DLC1: variants seen among roughly 807,000 people sequenced by gnomAD.
DLC1 encodes rho GTPase-activating protein 7.
A neutral mutation model predicts 140.3 loss-of-function variants in DLC1; 54 were observed. The observed-to-expected ratio is 0.38, with a 90% confidence interval of 0.31 to 0.48. The LOEUF (loss-of-function observed/expected upper bound fraction) is 0.48, where lower values mean the gene tolerates loss of function less well. Ranked by LOEUF, DLC1 falls within the 20% of genes least tolerant of loss-of-function variation. DLC1 has a pLI of 0.96. For missense variants in DLC1, 2,536 were observed against 1,907.0 expected (o/e 1.33, Z -6.14); for synonymous variants, 986 against 728.1 (o/e 1.35, Z -5.70).
intron 4 of DLC1, among the ~76,000 whole-genome samples, chr8:13,344,814 G>A (rs1490231420): frequency 7.9e-5 from 12 of 152,162 alleles, no homozygotes; most frequent in East Asian, 1.9e-4. Flanking sequence ...GAGCAATAAC[G>A]ACAGTGGGTT....
chr8:13,574,078 T>C (rs1804755581), intron 1 of DLC1, among the ~76,000 whole-genome samples: 1 of 152,146 alleles, frequency 6.6e-6, no homozygotes, highest in African/African-American at 2.4e-5. Flanking sequence ...GAAAATAATC[T>C]TCTAGAATTC....
intron 5 of DLC1, among the ~76,000 whole-genome samples, chr8:13,144,935 T>A (rs578161381): frequency 4.7e-4 from 72 of 152,338 alleles, no homozygotes; most frequent in Admixed American, 1.4e-3. Flanking sequence ...ATTGCTATTG[T>A]TTTAAGCCAT....
intron 4 of DLC1, among the ~76,000 whole-genome samples, chr8:13,343,736 G>C (rs555899949): frequency 8.5e-5 from 13 of 152,242 alleles, no homozygotes; most frequent in Admixed American, 4.6e-4. Flanking sequence ...ATCGCCTCTT[G>C]GTTAAAGTCA....
At chr8:13,215,643 A>C (rs746794942) in intron 5 of DLC1, among the ~76,000 whole-genome samples, 3 of 152,114 alleles carry the variant, frequency 2.0e-5, no homozygotes, top group Non-Finnish European at 2.9e-5. Context: ...TAGAAAGTAC[A>C]TCCTACTAGG....
intron 5 of DLC1, chr8:13,133,268 G>A (rs1563662745): frequency 7.5e-7 from 1 of 1,334,028 alleles, no homozygotes; most frequent in Non-Finnish European, 9.6e-7. Context: ...AAGCGCCCTC[G>A]CTCGGGCAGT....
intron 5 of DLC1, among the ~76,000 whole-genome samples, chr8:13,263,328 C>G (rs1291066809): frequency 6.6e-6 from 1 of 152,034 alleles, no homozygotes; most frequent in Non-Finnish European, 1.5e-5. Flanking sequence ...GTCGCTCTTT[C>G]CATTTCCTAT....
chr8:13,591,121 AT>A (rs1805500546), intron 1 of DLC1, among the ~76,000 whole-genome samples: 1 of 152,092 alleles, frequency 6.6e-6, no homozygotes, highest in Non-Finnish European at 1.5e-5. Context: ...GAGGAGGTGA[AT>A]TTTTCCTCAA....
At chr8:13,199,473 G>GC (rs926939364) in intron 5 of DLC1, among the ~76,000 whole-genome samples, 1 of 151,984 alleles carries the variant, frequency 6.6e-6, no homozygotes, top group African/African-American at 2.4e-5. Context: ...GAGCCACTGG[G>GC]CCCCGCGTTC....
intron 1 of DLC1, among the ~76,000 whole-genome samples, chr8:13,590,771 T>C (rs1805490960): frequency 6.6e-6 from 1 of 152,134 alleles, no homozygotes; most frequent in South Asian, 2.1e-4. Flanking sequence ...TATTTAAAAG[T>C]TCTATAATTT....
intron 5 of DLC1, among the ~76,000 whole-genome samples, chr8:13,203,754 T>C (rs1827516866): frequency 6.6e-6 from 1 of 152,204 alleles, no homozygotes; most frequent in Non-Finnish European, 1.5e-5. Context: ...TAAAATAGCT[T>C]TGTGATATGA....
intron 2 of DLC1, among the ~76,000 whole-genome samples, chr8:13,472,265 C>T (rs888927143): frequency 3.3e-5 from 5 of 152,072 alleles, no homozygotes; most frequent in African/African-American, 1.2e-4. Flanking sequence ...TTGCTGTTCT[C>T]AGTACAGATT....
At chr8:13,596,110 A>G (rs776377866) in intron 1 of DLC1, among the ~76,000 whole-genome samples, 2 of 152,064 alleles carry the variant, frequency 1.3e-5, no homozygotes, top group Non-Finnish European at 2.9e-5. Flanking sequence ...TGAAAATGAT[A>G]AGAGTGATGT....
intron 8 of DLC1, 82 bp downstream of exon 8, chr8:13,102,708 C>T (rs1819197843): frequency 1.6e-6 from 2 of 1,267,262 alleles, no homozygotes; most frequent in Non-Finnish European, 2.3e-6. Flanking sequence ...GTTGGAGAAA[C>T]AAAACCTATT....
chr8:13,104,183 A>T (rs1819353039), intron 7 of DLC1, among the ~76,000 whole-genome samples: 1 of 152,090 alleles, frequency 6.6e-6, no homozygotes, highest in Non-Finnish European at 1.5e-5. Flanking sequence ...GCGTACTGTA[A>T]CTTCAAGGAT....
chr8:13,436,519 T>G (rs141033511), intron 2 of DLC1, among the ~76,000 whole-genome samples: 3 of 152,354 alleles, frequency 2.0e-5, no homozygotes, highest in African/African-American at 7.2e-5. Flanking sequence ...TTCTTAGATT[T>G]TTTTTTAAAA....
At chr8:13,386,203 G>T (rs906867405) in intron 4 of DLC1, among the ~76,000 whole-genome samples, 1 of 152,104 alleles carries the variant, frequency 6.6e-6, no homozygotes, top group Admixed American at 6.5e-5. Flanking sequence ...TAGGTTGCAG[G>T]AATGATTTTT....
intron 4 of DLC1, among the ~76,000 whole-genome samples, chr8:13,322,738 C>G (rs985313380): frequency 6.6e-5 from 10 of 152,132 alleles, no homozygotes; most frequent in African/African-American, 2.4e-4. Flanking sequence ...AGTAATATTT[C>G]TTTACTGCAT....
At chr8:13,582,023 C>G (rs1805118137) in intron 1 of DLC1, among the ~76,000 whole-genome samples, 1 of 151,940 alleles carries the variant, frequency 6.6e-6, no homozygotes, top group South Asian at 2.1e-4. Flanking sequence ...AGTTCTAGTC[C>G]CATGGGGTCT....
intron 1 of DLC1, among the ~76,000 whole-genome samples, chr8:13,552,111 G>GTGTGTGTATATATA (rs1279225632): frequency 3.7e-5 from 2 of 54,534 alleles, no homozygotes; most frequent in African/African-American, 1.5e-4. Context: ...GTCTAGAGGT[G>GTGTGTGTATATATA]TATATATATA....
Sources: allele counts gnomAD v4.1 joint callset (sites outside exome capture counted in the v4.1 genomes callset), GRCh38; gene constraint gnomAD v4.1.1; transcripts MANE v1.5; gene names NCBI Gene and HGNC (gene_info 2026-07-23, HGNC 2026-07-21).